Variants in RBFOX1 observed in about 807,000 individuals in gnomAD.
The protein encoded by RBFOX1 is RNA binding protein fox-1 homolog 1.
In RBFOX1, 8 loss-of-function variants were observed where a neutral mutation model predicts 57.7. The ratio of observed to expected loss-of-function variants is 0.14; its 90% CI spans 0.08 to 0.25. The LOEUF is 0.25. Among genes scored for constraint, RBFOX1 ranks in the 10% least tolerant of loss-of-function variants. The pLI, the probability that RBFOX1 is intolerant of heterozygous loss-of-function variation, is 1.00. For synonymous variants in RBFOX1, 326 were observed against 222.4 expected, an observed-to-expected ratio of 1.47 and a Z score of -4.15; for missense variants, 611 against 548.5, an observed-to-expected ratio of 1.11 and a Z score of -1.14.
At chr16:6,864,923 G>A (rs1010818534) in intron 3 of RBFOX1, among the ~76,000 whole-genome samples, 3 of 149,122 alleles carry the variant, frequency 2.0e-5, no homozygotes, top group Admixed American at 6.7e-5. Flanking sequence ...CTGATAAATC[G>A]AAAACACAAA....
At chr16:6,686,831 A>G (rs1238171214) in intron 3 of RBFOX1, among the ~76,000 whole-genome samples, 2 of 152,308 alleles carry the variant, frequency 1.3e-5, no homozygotes, top group South Asian at 2.1e-4. Flanking sequence ...CTTTTTAAAC[A>G]TTCTCTGCAT....
intron 1 of RBFOX1, among the ~76,000 whole-genome samples, chr16:5,329,761 A>G (rs368891136): frequency 3.3e-5 from 5 of 152,272 alleles, no homozygotes; most frequent in African/African-American, 1.2e-4. Flanking sequence ...GCACTTTGGG[A>G]GGCTGAGGCG....
chr16:7,570,480 G>C (rs5028449), intron 5 of RBFOX1, among the ~76,000 whole-genome samples: 58,847 of 152,044 alleles, frequency 0.39, 11,788 homozygotes, highest in South Asian at 0.53. Flanking sequence ...GAAACTGGAT[G>C]AGTAAGGACT....
At position 5,817,596 on chromosome 16, in the gene RBFOX1, TGGAGAGGGGAGAGAGAAA is replaced by T. The variant is rs200128516; in HGVS notation, c.319-49686_319-49669del. On this transcript the variant is annotated intron_variant, in intron 3 of 19. Coordinates refer to the RBFOX1 transcript ENST00000641259. Reference sequence around the variant, plus strand: ...AGACCCTTAGTGGGAGAAGCCCAGCTGGAGAGGGGAGAGAGAAAGGAGAGGGGAGAGAGAAAGGGGTTC... The same window carrying T: ...AGACCCTTAGTGGGAGAAGCCCAGCTGGAGAGGGGAGAGAGAAAGGGGTTC... Among the ~76,000 whole-genome samples the T allele has an allele frequency of 5.2e-4, 78 of 150,836 alleles. No homozygotes were observed. The East Asian group carries it at 0.012, about 23-fold the overall frequency.
chr16:6,218,428 C>G (rs1257622496), intron 1 of RBFOX1, among the ~76,000 whole-genome samples: 1 of 152,088 alleles, frequency 6.6e-6, no homozygotes, highest in Non-Finnish European at 1.5e-5. Flanking sequence ...TGTGCCTTAG[C>G]CTGCCGAGTA....
chr16:6,672,249 C>T (rs76354445), intron 3 of RBFOX1, among the ~76,000 whole-genome samples: 6,476 of 152,030 alleles, frequency 0.043, 183 homozygotes, highest in Non-Finnish European at 0.067. Context: ...ACCACCATAA[C>T]GCTTAGAGTC....
chr16:5,402,552 T>A (rs909446470), intron 1 of RBFOX1, among the ~76,000 whole-genome samples: 1 of 152,246 alleles, frequency 6.6e-6, no homozygotes, highest in Admixed American at 6.5e-5. Context: ...TCTAAATACC[T>A]GCTTTCTTCC....
chr16:6,763,286 C>T (rs8046305), intron 3 of RBFOX1, among the ~76,000 whole-genome samples: 9,704 of 152,048 alleles, frequency 0.064, 551 homozygotes, highest in East Asian at 0.27. Context: ...TAGTGAGAAG[C>T]AAAGTCATTG....
intron 10 of RBFOX1, among the ~76,000 whole-genome samples, chr16:7,617,536 C>T (rs3785232): frequency 0.65 from 99,232 of 151,978 alleles, 32,913 homozygotes; most frequent in East Asian, 0.84. Context: ...AATTGCACAG[C>T]TTTAGCGGTT....
At chr16:7,478,333 G>C (rs1307707985) in intron 4 of RBFOX1, among the ~76,000 whole-genome samples, 1 of 152,222 alleles carries the variant, frequency 6.6e-6, no homozygotes, top group African/African-American at 2.4e-5. Context: ...GCAAGAGGAA[G>C]ATAGACTTTA....
At chr16:7,231,920 A>G (rs574463313) in intron 4 of RBFOX1, among the ~76,000 whole-genome samples, 3 of 152,314 alleles carry the variant, frequency 2.0e-5, no homozygotes, top group South Asian at 2.1e-4. Context: ...GGGAATAACC[A>G]TTAAATAGGT....
At chr16:7,097,427 C>G (rs1016589167) in intron 4 of RBFOX1, among the ~76,000 whole-genome samples, 2 of 152,126 alleles carry the variant, frequency 1.3e-5, no homozygotes, top group African/African-American at 4.8e-5. Context: ...ATGCAACACC[C>G]TGGCATTAAA....
chr16:6,558,227 T>C (rs2097131814), intron 2 of RBFOX1, among the ~76,000 whole-genome samples: 1 of 152,054 alleles, frequency 6.6e-6, no homozygotes, highest in African/African-American at 2.4e-5. Flanking sequence ...GTGAAATGAC[T>C]CTATGTGGCT....
At chr16:7,325,694 C>T (rs1434612160) in intron 4 of RBFOX1, among the ~76,000 whole-genome samples, 2 of 152,078 alleles carry the variant, frequency 1.3e-5, no homozygotes, top group East Asian at 1.9e-4. Flanking sequence ...GTATCCTGTC[C>T]ACAGTCTATG....
intron 11 of RBFOX1, among the ~76,000 whole-genome samples, chr16:7,651,054 A>G (rs1282343123): frequency 6.6e-6 from 1 of 151,012 alleles, no homozygotes; most frequent in African/African-American, 2.4e-5. Context: ...GGCATGATCT[A>G]TCTTTAGCAA....
intron 4 of RBFOX1, among the ~76,000 whole-genome samples, chr16:5,892,130 A>G (rs1217022435): frequency 6.6e-6 from 1 of 152,176 alleles, no homozygotes; most frequent in African/African-American, 2.4e-5. Flanking sequence ...ATTACACAGG[A>G]TGTTGAAAGT....
At chr16:7,468,755 G>T (rs375585381) in intron 4 of RBFOX1, among the ~76,000 whole-genome samples, 122 of 152,186 alleles carry the variant, frequency 8.0e-4, no homozygotes, top group Middle Eastern at 3.4e-3. Flanking sequence ...GGATTTAGGA[G>T]ATTGTCTGGC....
At chr16:7,137,716 C>T (rs1031743873) in intron 4 of RBFOX1, among the ~76,000 whole-genome samples, 2 of 152,168 alleles carry the variant, frequency 1.3e-5, no homozygotes. Flanking sequence ...AGCAACTTAA[C>T]TCAAAGGAAT....
intron 2 of RBFOX1, among the ~76,000 whole-genome samples, chr16:6,448,460 C>A (rs1396769300): frequency 6.6e-6 from 1 of 152,068 alleles, no homozygotes; most frequent in Non-Finnish European, 1.5e-5. Context: ...CCCAACCAGG[C>A]ATTTTTCAAC....
Sources: gnomAD v4.1 joint callset for allele counts (sites outside exome capture counted in the v4.1 genomes callset) on GRCh38, gnomAD v4.1.1 for gene constraint, MANE v1.5 for transcripts, NCBI Gene and HGNC (gene_info 2026-07-23, HGNC 2026-07-21) for gene names.